The following MTHFS variants were observed in gnomAD, a reference collection of about 807,000 sequenced individuals.
MTHFS encodes 5-formyltetrahydrofolate cyclo-ligase.
In MTHFS, 7 loss-of-function variants were observed where a neutral mutation model predicts 12.7. The observed-to-expected ratio is 0.55, with a 90% confidence interval of 0.31 to 1.03. MTHFS has a LOEUF of 1.03. Among genes scored for constraint, MTHFS ranks in the 50% least tolerant of loss-of-function variants. The probability of loss-of-function intolerance (pLI) is 0.05; values close to 1 mark genes in which losing one functional copy is unlikely to be tolerated. For missense variants in MTHFS, 252 were observed against 258.1 expected (o/e 0.98, Z 0.16); for synonymous variants, 100 against 97.1 (o/e 1.03, Z -0.18).
chr15:79,862,076 T>A (rs997708042), intron 2 of MTHFS, among the ~76,000 whole-genome samples: 2 of 152,174 alleles, frequency 1.3e-5, no homozygotes, highest in African/African-American at 4.8e-5. Context: ...TTGGCTTTTT[T>A]TTTTCCTTTT....
chr15:79,846,833 G>A (rs1403540787), intron 2 of MTHFS, among the ~76,000 whole-genome samples: 3 of 152,210 alleles, frequency 2.0e-5, no homozygotes, highest in Admixed American at 6.5e-5. Flanking sequence ...CATCAGGCTT[G>A]AAGTTCAGTT....
At chr15:79,875,155 A>G (rs1224462537) in intron 2 of MTHFS, among the ~76,000 whole-genome samples, 1 of 152,142 alleles carries the variant, frequency 6.6e-6, no homozygotes, top group South Asian at 2.1e-4. Flanking sequence ...AAGAAATTAT[A>G]AAAGTATTAA....
chr15:79,857,538 C>G (rs2033832291), intron 2 of MTHFS, among the ~76,000 whole-genome samples: 1 of 152,134 alleles, frequency 6.6e-6, no homozygotes. Flanking sequence ...CTAATATGAG[C>G]CTTGTGCCAT....
At chr15:79,880,800 A>AAAAAC (rs1555413496) in intron 2 of MTHFS, among the ~76,000 whole-genome samples, 9 of 149,456 alleles carry the variant, frequency 6.0e-5, no homozygotes, top group Admixed American at 2.0e-4. Context: ...GCAAAAAAAA[A>AAAAAC]AAACAAACAA....
intron 2 of MTHFS, among the ~76,000 whole-genome samples, chr15:79,864,469 C>T (rs534559941): frequency 4.3e-5 from 6 of 140,438 alleles, no homozygotes; most frequent in South Asian, 2.3e-4. Flanking sequence ...CGCTTGAACC[C>T]GGGAGGTGGA....
At chr15:79,896,758 T>TG (rs1206706503) in intron 1 of MTHFS, 114 bp downstream of exon 1, 92 of 1,088,796 alleles carry the variant, frequency 8.4e-5, no homozygotes, top group Admixed American at 2.1e-4. Context: ...CGCCGGGGGG[T>TG]GGGGGGGCGC....
chr15:79,875,993 C>T (rs894730857), intron 2 of MTHFS: 17 of 152,080 alleles, frequency 1.1e-4, no homozygotes, highest in African/African-American at 3.9e-4. Context: ...TAAATAAGCA[C>T]ACAAAAATTG....
intron 1 of MTHFS, among the ~76,000 whole-genome samples, chr15:79,891,984 A>AAG (rs2034482246): frequency 7.4e-6 from 1 of 134,660 alleles, no homozygotes; most frequent in Non-Finnish European, 1.7e-5. Context: ...AAAAAAAAAA[A>AAG]AGAGAAAGAA....
intron 1 of MTHFS, 99 bp downstream of exon 1, chr15:79,896,773 C>A (rs1239299935): frequency 2.0e-6 from 3 of 1,486,350 alleles, no homozygotes; most frequent in Non-Finnish European, 1.8e-6. Context: ...GGGCGCCTAG[C>A]CCAGCGCCAG....
chr15:79,857,051 A>G (rs1566988852), intron 2 of MTHFS, among the ~76,000 whole-genome samples: 2 of 151,536 alleles, frequency 1.3e-5, no homozygotes, highest in South Asian at 2.1e-4. Flanking sequence ...GCTGGAGTAC[A>G]GTAGCACGAT....
chr15:79,849,146 C>T (rs765077855), intron 2 of MTHFS, among the ~76,000 whole-genome samples: 31 of 152,242 alleles, frequency 2.0e-4, no homozygotes, highest in East Asian at 5.8e-4. Context: ...ATCGTACATG[C>T]GGTGTTGTTG....
rs2033584461 is a variant in MTHFS at position 79,845,070 on chromosome 15, A to G, written c.*140T>C. 1 of 1,106,948 alleles carries G rather than the reference A, an allele frequency of 9.0e-7. No homozygotes were observed. Among genetic ancestry groups the G allele is most frequent in the Non-Finnish European group, 1.3e-6 (1 of 794,776 alleles). 68.6% of individuals were successfully genotyped at this position (1,106,948 alleles called of 1,614,324 possible). A position where few individuals can be genotyped will look rare whatever the true frequency, so the allele number is the denominator to read the frequency against. ...TTTTAAAGATGGTTTTATATAAGGT[A>G]TTTCATAATTACAATTTTAAAATGC... On this transcript the variant is annotated 3_prime_UTR_variant, in exon 3 of 3. Coordinates refer to ENST00000258874, the MANE Select transcript of MTHFS (RefSeq NM_006441.4).
chr15:79,851,050 A>G (rs1459560788), intron 2 of MTHFS, among the ~76,000 whole-genome samples: 1 of 152,156 alleles, frequency 6.6e-6, no homozygotes, highest in African/African-American at 2.4e-5. Context: ...AAGGCTGAAA[A>G]TAAGTGTTAG....
chr15:79,847,251 G>T (rs1408552286), intron 2 of MTHFS, among the ~76,000 whole-genome samples: 1 of 152,142 alleles, frequency 6.6e-6, no homozygotes, highest in African/African-American at 2.4e-5. Context: ...CGCTTGGACA[G>T]AAGGATCAAC....
At chr15:79,883,856 T>C (rs1187406604) in intron 2 of MTHFS, among the ~76,000 whole-genome samples, 1 of 152,214 alleles carries the variant, frequency 6.6e-6, no homozygotes, top group Non-Finnish European at 1.5e-5. Flanking sequence ...AAGCCAGTGA[T>C]CTTAAGCACC....
At chr15:79,871,931 C>G (rs368550307) in intron 2 of MTHFS, among the ~76,000 whole-genome samples, 1 of 151,568 alleles carries the variant, frequency 6.6e-6, no homozygotes, top group East Asian at 1.9e-4. Context: ...GGTGAAACCC[C>G]ATCTCTACCG....
intron 1 of MTHFS, among the ~76,000 whole-genome samples, chr15:79,893,548 A>G (rs1289081301): frequency 1.3e-5 from 2 of 151,704 alleles, no homozygotes; most frequent in Non-Finnish European, 2.9e-5. Context: ...AATACAAAAA[A>G]TTAGTCGGGC....
chr15:79,870,621 T>C, intron 2 of MTHFS, among the ~76,000 whole-genome samples: 1 of 152,004 alleles, frequency 6.6e-6, no homozygotes, highest in Non-Finnish European at 1.5e-5. Context: ...ACCAAGAAAT[T>C]CATCAAAATA....
At chr15:79,894,683 A>C (rs2034536193) in intron 1 of MTHFS, among the ~76,000 whole-genome samples, 1 of 152,192 alleles carries the variant, frequency 6.6e-6, no homozygotes, top group East Asian at 1.9e-4. Flanking sequence ...ATGCCCCTCC[A>C]AAATTTGTTC....
Sources: allele counts gnomAD v4.1 joint callset (sites outside exome capture counted in the v4.1 genomes callset), GRCh38; gene constraint gnomAD v4.1.1; transcripts MANE v1.5; gene names NCBI Gene and HGNC (gene_info 2026-07-23, HGNC 2026-07-21).